The following TMEM131 variants were observed in gnomAD, a reference collection of about 807,000 sequenced individuals.
TMEM131 encodes 2610524E03Rik.
Under a neutral mutation model 211.6 loss-of-function variants are expected in TMEM131, and 66 were observed. The ratio of observed to expected loss-of-function variants is 0.31; its 90% CI spans 0.26 to 0.38. The LOEUF is 0.38. Among genes scored for constraint, TMEM131 ranks in the 10% least tolerant of loss-of-function variants. TMEM131 has a pLI of 1.00. For synonymous variants in TMEM131, 844 were observed against 841.3 expected (o/e 1.00, Z -0.06); for missense variants, 2,036 against 2,299.3 (o/e 0.89, Z 2.34).
At chr2:97,844,701 T>C (rs932305511) in intron 5 of TMEM131, among the ~76,000 whole-genome samples, 7 of 152,192 alleles carry the variant, frequency 4.6e-5, no homozygotes, top group Admixed American at 1.3e-4. Flanking sequence ...AGGAACAAAA[T>C]GTCCCAGCAA....
chr2:97,918,772 AC>A (rs1243698382), intron 2 of TMEM131, among the ~76,000 whole-genome samples: 2 of 152,346 alleles, frequency 1.3e-5, no homozygotes, highest in Middle Eastern at 3.4e-3. Context: ...ACACAGACCA[AC>A]CAAGTCTGAT....
At chr2:97,925,641 AC>A (rs1676951551) in intron 2 of TMEM131, among the ~76,000 whole-genome samples, 1 of 152,220 alleles carries the variant, frequency 6.6e-6, no homozygotes, top group South Asian at 2.1e-4. Context: ...TATGGTACTT[AC>A]TGGACACTGA....
intron 10 of TMEM131, 23 bp downstream of exon 10, chr2:97,834,598 A>C (rs1303035677): frequency 6.7e-7 from 1 of 1,502,324 alleles, no homozygotes; most frequent in Non-Finnish European, 8.9e-7. Flanking sequence ...CTCCATAAAG[A>C]CTCTTTTAAA....
intron 33 of TMEM131, among the ~76,000 whole-genome samples, chr2:97,770,795 T>C (rs866327252): frequency 2.6e-5 from 4 of 152,236 alleles, no homozygotes; most frequent in South Asian, 4.1e-4. Flanking sequence ...AATTCTTAGA[T>C]GCACTGGTTT....
intron 1 of TMEM131, among the ~76,000 whole-genome samples, chr2:97,963,669 C>T (rs1386473121): frequency 2.0e-5 from 3 of 152,164 alleles, no homozygotes; most frequent in Non-Finnish European, 1.5e-5. Flanking sequence ...AAGCGGAGAT[C>T]GCGCCACTGC....
At chr2:97,883,807 T>C (rs1387132205) in intron 4 of TMEM131, among the ~76,000 whole-genome samples, 2 of 152,198 alleles carry the variant, frequency 1.3e-5, no homozygotes, top group Non-Finnish European at 2.9e-5. Flanking sequence ...TTTTGAAGTA[T>C]GCACAATATA....
At chr2:97,799,721 G>A (rs1339243751) in intron 25 of TMEM131, among the ~76,000 whole-genome samples, 2 of 152,232 alleles carry the variant, frequency 1.3e-5, no homozygotes, top group East Asian at 3.9e-4. Flanking sequence ...CATTTGTAAG[G>A]TCTGCATGTC....
chr2:97,761,101 T>C (rs1678817212), intron 36 of TMEM131, 187 bp from the exon 37 acceptor site: 1 of 668,644 alleles, frequency 1.5e-6, no homozygotes, highest in East Asian at 2.8e-5. Context: ...GATAGAGGGC[T>C]TTCTGGAGAA....
Position 97,796,329 on chromosome 2 carries a change from T to C in TMEM131, c.3089A>G (p.His1030Arg), listed in dbSNP as rs1334364197. ...KVENTGQLQI[H>R]IETIEISGYS... ...TCCACTGATTTCAATGGTTTCTATGTGAATTTGAAGTTGTCCTGTATTCTC... is the reference window on the plus strand; with the variant it reads ...TCCACTGATTTCAATGGTTTCTATGCGAATTTGAAGTTGTCCTGTATTCTC... The change falls in exon 28 of 41, where the codon CAC (histidine) becomes CGC (arginine). Residue 1030 changes from histidine to arginine, a missense_variant. Physicochemically the swap from His to Arg is conservative, Grantham distance 29. This residue lies in a region of TMEM131 where 1,623 missense variants were observed against 1,805.9 expected (regional missense o/e 0.90). Coordinates refer to ENST00000186436, the MANE Select transcript of TMEM131 (RefSeq NM_015348.2). 2.6e-6 allele frequency: 4 copies of C among 1,555,628 alleles called. No homozygotes were observed. Among genetic ancestry groups the C allele is most frequent in the Non-Finnish European group, 3.5e-6 (4 of 1,151,296 alleles).
intron 1 of TMEM131, among the ~76,000 whole-genome samples, chr2:97,963,966 G>A (rs1678930829): frequency 6.6e-6 from 1 of 152,182 alleles, no homozygotes; most frequent in South Asian, 2.1e-4. Context: ...AAATATAAAT[G>A]TTTTCCAGAA....
intron 1 of TMEM131, among the ~76,000 whole-genome samples, chr2:97,964,320 G>C (rs935465198): frequency 3.3e-5 from 5 of 152,182 alleles, no homozygotes; most frequent in African/African-American, 4.8e-5. Context: ...TCTAATCTCT[G>C]TTTCCTTGCA....
intron 12 of TMEM131, among the ~76,000 whole-genome samples, chr2:97,818,001 A>G (rs1476895594): frequency 2.6e-5 from 4 of 152,228 alleles, no homozygotes; most frequent in East Asian, 1.9e-4. Flanking sequence ...ATGTTGTGAC[A>G]GCAAATTCAA....
At chr2:97,894,007 T>G (rs909930638) in intron 3 of TMEM131, among the ~76,000 whole-genome samples, 6 of 152,220 alleles carry the variant, frequency 3.9e-5, no homozygotes, top group African/African-American at 1.4e-4. Context: ...TTTTATGGTT[T>G]TAGGTTTTAC....
intron 4 of TMEM131, among the ~76,000 whole-genome samples, chr2:97,875,433 T>A (rs977030001): frequency 5.9e-5 from 9 of 152,094 alleles, no homozygotes; most frequent in African/African-American, 2.2e-4. Flanking sequence ...CAGCACCACA[T>A]CACACTTATT....
chr2:97,952,030 G>T (rs532981432), intron 1 of TMEM131, among the ~76,000 whole-genome samples: 1 of 151,996 alleles, frequency 6.6e-6, no homozygotes, highest in Non-Finnish European at 1.5e-5. Flanking sequence ...GGTGGCGCAC[G>T]CCTGTAATCC....
At chr2:97,773,178 G>A (rs541490732) in intron 32 of TMEM131, among the ~76,000 whole-genome samples, 31 of 152,320 alleles carry the variant, frequency 2.0e-4, no homozygotes, top group Non-Finnish European at 4.4e-4. Context: ...GGCCATGCTC[G>A]CCTGCCTGCG....
intron 1 of TMEM131, among the ~76,000 whole-genome samples, chr2:97,968,638 A>G (rs1368307716): frequency 3.3e-5 from 5 of 152,196 alleles, no homozygotes; most frequent in Non-Finnish European, 7.3e-5. Context: ...AAGCCTGCAC[A>G]AAGCAAGAGT....
intron 4 of TMEM131, among the ~76,000 whole-genome samples, chr2:97,875,289 G>A (rs1293313426): frequency 6.6e-6 from 1 of 152,122 alleles, no homozygotes; most frequent in Non-Finnish European, 1.5e-5. Context: ...ACACCCTATT[G>A]TCCGTATTAG....
At chr2:97,842,513 G>T (rs971337404) in intron 6 of TMEM131, among the ~76,000 whole-genome samples, 1 of 68,550 alleles carries the variant, frequency 1.5e-5, no homozygotes, top group Admixed American at 1.1e-4. Flanking sequence ...CCAATAAAAA[G>T]ATTTAAAAAA....
Sources: gnomAD v4.1 joint callset for allele counts (sites outside exome capture counted in the v4.1 genomes callset) on GRCh38, gnomAD v4.1.1 for gene constraint, gnomAD v4.1.1 regional missense constraint, MANE v1.5 for transcripts, NCBI Gene and HGNC (gene_info 2026-07-23, HGNC 2026-07-21) for gene names.